KLRG1: variants seen among roughly 807,000 people sequenced by gnomAD.
The protein encoded by KLRG1 is killer cell lectin like receptor G1, also known as killer cell lectin-like receptor subfamily G member 1.
KLRG1 carries 16 observed loss-of-function variants against 21.8 expected under a neutral mutation model. The ratio of observed to expected loss-of-function variants is 0.73; its 90% CI spans 0.50 to 1.11. The LOEUF is 1.11. KLRG1 is among the 50% of genes most tolerant of loss of function. KLRG1 has a pLI of 0.00. For synonymous variants in KLRG1, 69 were observed against 75.9 expected (o/e 0.91, Z 0.47); for missense variants, 173 against 218.3 (o/e 0.79, Z 1.31).
the KLRG1 span, among the ~76,000 whole-genome samples, chr12:9,048,107 G>A: frequency 7.2e-5 from 11 of 152,102 alleles, no homozygotes; most frequent in Non-Finnish European, 1.3e-4. Context: ...TTAAAGATGG[G>A]TCATATCCTA....
intron 3 of KLRG1, among the ~76,000 whole-genome samples, chr12:9,000,582 C>A (rs1008475976): frequency 2.6e-5 from 4 of 152,156 alleles, no homozygotes; most frequent in African/African-American, 9.7e-5. Context: ...CCCTCTAGCC[C>A]CTGGTAATCA....
At chr12:9,175,235 G>A in the KLRG1 span, among the ~76,000 whole-genome samples, 1 of 152,178 alleles carries the variant, frequency 6.6e-6, no homozygotes, top group African/African-American at 2.4e-5. Flanking sequence ...TTAGTAAATG[G>A]TGCTGGGAAT....
the KLRG1 span, chr12:9,112,838 T>C: frequency 2.7e-6 from 1 of 369,554 alleles, no homozygotes; most frequent in Non-Finnish European, 5.0e-6. Context: ...TGATATTACA[T>C]GCTAAAAGGG....
the KLRG1 span, among the ~76,000 whole-genome samples, chr12:9,189,863 T>C: frequency 6.6e-6 from 1 of 152,150 alleles, no homozygotes; most frequent in Non-Finnish European, 1.5e-5. Flanking sequence ...AAAGAAGATA[T>C]ACATGTGGCC....
the KLRG1 span, among the ~76,000 whole-genome samples, chr12:9,113,778 T>C: frequency 3.3e-5 from 5 of 152,230 alleles, no homozygotes; most frequent in African/African-American, 1.2e-4. Flanking sequence ...TTAAAACTTG[T>C]AGGCATGCTT....
the KLRG1 span, chr12:9,115,510 A>T: frequency 2.7e-6 from 1 of 373,782 alleles, no homozygotes; most frequent in African/African-American, 2.1e-5. Context: ...AATATCTAAA[A>T]TTTATTCTTT....
At chr12:9,202,272 T>A in the KLRG1 span, 1 of 1,485,136 alleles carries the variant, frequency 6.7e-7, no homozygotes, top group Non-Finnish European at 9.4e-7. Flanking sequence ...TCTGGGTGAG[T>A]ATTCCCACTC....
the KLRG1 span, chr12:9,192,815 T>TA: frequency 5.2e-6 from 5 of 961,806 alleles, no homozygotes; most frequent in East Asian, 9.7e-5. Flanking sequence ...AATGAATAGT[T>TA]ACAACGGTGT....
At chr12:9,123,012 A>G in the KLRG1 span, among the ~76,000 whole-genome samples, 1 of 152,192 alleles carries the variant, frequency 6.6e-6, no homozygotes, top group Admixed American at 6.5e-5. Flanking sequence ...AAGAAGTGGT[A>G]TAGACTGCTA....
At chr12:9,016,553 T>C in the KLRG1 span, among the ~76,000 whole-genome samples, 1 of 152,228 alleles carries the variant, frequency 6.6e-6, no homozygotes, top group Non-Finnish European at 1.5e-5. Context: ...CCCAGTGGCT[T>C]CACTGCTGAA....
the KLRG1 span, among the ~76,000 whole-genome samples, chr12:9,160,700 G>A: frequency 2.0e-5 from 3 of 152,138 alleles, no homozygotes; most frequent in Admixed American, 6.5e-5. Context: ...GGATCATGAG[G>A]TCAGGATATC....
chr12:8,983,310 C>T (rs1398675304), intron 1 of KLRG1, among the ~76,000 whole-genome samples: 4 of 148,902 alleles, frequency 2.7e-5, no homozygotes, highest in African/African-American at 7.4e-5. Flanking sequence ...TTTCTCTGCT[C>T]TGAAAATATT....
chr12:8,995,840 G>A (rs1249174477), intron 3 of KLRG1, among the ~76,000 whole-genome samples: 4 of 151,970 alleles, frequency 2.6e-5, no homozygotes, highest in Non-Finnish European at 5.9e-5. Flanking sequence ...GTGCCACCAT[G>A]CCTGGCTAAT....
the KLRG1 span, among the ~76,000 whole-genome samples, chr12:9,185,839 C>G: frequency 9.4e-6 from 1 of 105,906 alleles, no homozygotes; most frequent in Non-Finnish European, 2.2e-5. Context: ...GACAGAGTCT[C>G]ACTCTGTCAC....
At chr12:9,193,702 TAGAC>T in the KLRG1 span, among the ~76,000 whole-genome samples, 1 of 152,180 alleles carries the variant, frequency 6.6e-6, no homozygotes, top group Admixed American at 6.5e-5. Flanking sequence ...TCATCGTCAT[TAGAC>T]AGTGTATATT....
chr12:9,026,228 C>T, the KLRG1 span, among the ~76,000 whole-genome samples: 2 of 151,886 alleles, frequency 1.3e-5, no homozygotes, highest in African/African-American at 4.8e-5. Context: ...TAATAGGGTC[C>T]CTGAAGTGAG....
intron 2 of KLRG1, 127 bp downstream of exon 2, chr12:8,992,437 T>A: frequency 1.6e-6 from 1 of 621,250 alleles, no homozygotes; most frequent in South Asian, 2.1e-5. Flanking sequence ...ATACAGCTAT[T>A]TCCTGGGTAT....
chr12:9,090,654 A>G, the KLRG1 span: 4 of 647,074 alleles, frequency 6.2e-6, no homozygotes, highest in Non-Finnish European at 1.0e-5. Flanking sequence ...AATGTATCAG[A>G]TTTACACAGG....
chr12:9,011,073 G>A (rs1033235708), downstream of KLRG1, among the ~76,000 whole-genome samples: 4 of 152,086 alleles, frequency 2.6e-5, no homozygotes, highest in African/African-American at 9.7e-5. Flanking sequence ...GCTACTACAG[G>A]GTGCACAATT....
Sources: gnomAD v4.1 joint callset for allele counts (sites outside exome capture counted in the v4.1 genomes callset) on GRCh38, gnomAD v4.1.1 for gene constraint, MANE v1.5 for transcripts, NCBI Gene and HGNC (gene_info 2026-07-23, HGNC 2026-07-21) for gene names.